The following PDE8B variants were observed in gnomAD, a reference collection of about 807,000 sequenced individuals.
PDE8B encodes phosphodiesterase 8B.
Under a neutral mutation model 101.3 loss-of-function variants are expected in PDE8B, and 26 were observed. The observed-to-expected ratio is 0.26, with a 90% CI of 0.19 to 0.36. PDE8B has a LOEUF of 0.36. Ranked by LOEUF, PDE8B falls within the 10% of genes least tolerant of loss-of-function variation. PDE8B has a pLI of 1.00. For synonymous variants in PDE8B, 424 were observed against 429.3 expected (o/e 0.99, Z 0.15); for missense variants, 810 against 1,163.1 (o/e 0.70, Z 4.42).
At chr5:77,090,629 T>C in the PDE8B span, among the ~76,000 whole-genome samples, 1 of 152,210 alleles carries the variant, frequency 6.6e-6, no homozygotes, top group Non-Finnish European at 1.5e-5. Flanking sequence ...TCCACATATA[T>C]ATGAGATCAT....
At chr5:77,116,224 A>ATTTTTTTTTT in the PDE8B span, among the ~76,000 whole-genome samples, 1 of 59,610 alleles carries the variant, frequency 1.7e-5, no homozygotes, top group African/African-American at 7.2e-5. Context: ...ATATATATAT[A>ATTTTTTTTTT]TTTTTTTTTT....
the PDE8B span, among the ~76,000 whole-genome samples, chr5:77,102,731 T>C: frequency 6.6e-6 from 1 of 152,154 alleles, no homozygotes; most frequent in South Asian, 2.1e-4. Flanking sequence ...CAATCTGGTC[T>C]GGAGAGTCAG....
chr5:77,094,776 T>C, the PDE8B span, among the ~76,000 whole-genome samples: 3 of 152,092 alleles, frequency 2.0e-5, no homozygotes, highest in South Asian at 2.1e-4. Context: ...GCAGACATCA[T>C]AGCAAGAGGA....
In PDE8B at chr5:77,268,945, A is replaced by G. The variant is rs1176410976; in HGVS notation, c.340-43049A>G. 2.6e-5 allele frequency among the ~76,000 whole-genome samples: 4 copies of G among 151,766 alleles called. No individual in the cohort carries two copies. In the East Asian group the frequency reaches 5.8e-4, roughly 22 times the overall value. ...CTATAATAAACATGGCAGTGCAGCTATCTTTTCAATATACTGATTTCCTTT... is the reference window on the plus strand; with the variant it reads ...CTATAATAAACATGGCAGTGCAGCTGTCTTTTCAATATACTGATTTCCTTT... On this transcript the variant is annotated intron_variant, in intron 1 of 21. Transcript: ENST00000264917.
chr5:77,314,232 T>G (rs1773302892), intron 2 of PDE8B, among the ~76,000 whole-genome samples: 2 of 152,174 alleles, frequency 1.3e-5, no homozygotes, highest in South Asian at 4.1e-4. Context: ...TCAGTTCTAT[T>G]CCATTGATTT....
intron 10 of PDE8B, among the ~76,000 whole-genome samples, chr5:77,355,450 G>A (rs1272463994): frequency 3.3e-5 from 5 of 152,188 alleles, no homozygotes; most frequent in Non-Finnish European, 7.3e-5. Context: ...GTCTGCAGGC[G>A]GTTCCGGTGG....
chr5:77,251,893 A>G (rs1232658568), intron 1 of PDE8B, among the ~76,000 whole-genome samples: 4 of 152,034 alleles, frequency 2.6e-5, no homozygotes, highest in African/African-American at 9.7e-5. Context: ...CATAGTTTCC[A>G]ATTTCTTTCT....
intron 2 of PDE8B, among the ~76,000 whole-genome samples, chr5:77,317,154 A>G (rs1005383681): frequency 1.3e-5 from 2 of 152,170 alleles, no homozygotes; most frequent in African/African-American, 4.8e-5. Flanking sequence ...TTTATTGTCT[A>G]TAACACACTA....
At chr5:77,373,130 A>G (rs1476540253) in intron 10 of PDE8B, among the ~76,000 whole-genome samples, 2 of 152,116 alleles carry the variant, frequency 1.3e-5, no homozygotes, top group African/African-American at 4.8e-5. Flanking sequence ...AGATTTATCA[A>G]CTTGGTTGAT....
chr5:77,090,990 A>G, the PDE8B span, among the ~76,000 whole-genome samples: 2 of 152,194 alleles, frequency 1.3e-5, no homozygotes, highest in African/African-American at 2.4e-5. Flanking sequence ...GAACCTCTCT[A>G]TACTATTTTC....
rs1794893889 is a variant in PDE8B at position 77,413,201 on chromosome 5, C to T, written c.1803C>T (p.Phe601=). ...CTGAAACCACTCTTCGGGCCTGGTT[C>T]CAAGTGATCGAAGCCAACTACCACT... The part of the protein sequence containing the change: ...NCSETTLRAW[F]QVIEANYHSS... The change falls in exon 17 of 22, where the codon TTC becomes TTT. Residue 601 remains phenylalanine (F), a synonymous_variant. Transcript: ENST00000264917. 1.9e-6 allele frequency: 3 copies of T among 1,613,766 alleles called. No homozygotes were observed. In the South Asian group the frequency reaches 3.3e-5, roughly 18 times the overall value.
chr5:77,298,419 G>A (rs553338735), intron 1 of PDE8B, among the ~76,000 whole-genome samples: 6 of 152,180 alleles, frequency 3.9e-5, no homozygotes, highest in Non-Finnish European at 7.3e-5. Flanking sequence ...TGTTACCCAC[G>A]TGACAGGCTG....
intron 5 of PDE8B, among the ~76,000 whole-genome samples, chr5:77,333,641 T>C (rs1336975564): frequency 6.6e-6 from 1 of 152,218 alleles, no homozygotes; most frequent in Non-Finnish European, 1.5e-5. Flanking sequence ...TGGTCTAGAA[T>C]TGCTGCCATC....
chr5:77,246,996 G>A (rs1757081577), intron 1 of PDE8B: 1 of 152,146 alleles, frequency 6.6e-6, no homozygotes, highest in Non-Finnish European at 1.5e-5. Flanking sequence ...TACCTCATAG[G>A]TTGTTATAAG....
In PDE8B at chr5:77,421,982, T is replaced by C. The variant is rs748949356; in HGVS notation, c.2412T>C (p.Phe804=). The change falls in exon 20 of 22, where the codon TTT becomes TTC. Residue 804 remains phenylalanine, a synonymous_variant. Transcript: ENST00000264917. The stretch of plus-strand genomic sequence containing the variant: ...CTGGGAGGATCTCTGAGGAGTATTT[T>C]GCACAGGTGCGCCATCTTTCCAGGG... ...EWAGRISEEY[F]AQTDEEKRQG... 7.4e-6 allele frequency: 12 copies of C among 1,613,876 alleles called. No homozygotes were observed. The highest frequency in any genetic ancestry group is 1.0e-5 in the Non-Finnish European group (12 of 1,179,976).
the PDE8B span, among the ~76,000 whole-genome samples, chr5:77,132,370 T>C: frequency 1.3e-5 from 2 of 152,324 alleles, no homozygotes; most frequent in South Asian, 4.1e-4. Flanking sequence ...TATTATGGCA[T>C]TATTCACTTT....
rs540880093 is a variant in PDE8B, at chr5:77,273,558, A to T, written c.340-38436A>T. 3.9e-5 allele frequency among the ~76,000 whole-genome samples: 6 copies of T among 152,316 alleles called. No individual in the cohort carries two copies. The South Asian group carries it at 1.2e-3, about 32-fold the overall frequency. Reference sequence around the variant, plus strand: ...TAAACACAACAATGTGAGATGCTGTAAGAGAGGCAGGGTAGTACACTTACT... The same window carrying T: ...TAAACACAACAATGTGAGATGCTGTTAGAGAGGCAGGGTAGTACACTTACT... On this transcript the variant is annotated intron_variant, in intron 1 of 21. Coordinates refer to ENST00000264917, the MANE Select transcript of PDE8B (RefSeq NM_003719.5).
the PDE8B span, among the ~76,000 whole-genome samples, chr5:77,097,255 G>C: frequency 6.6e-6 from 1 of 152,116 alleles, no homozygotes; most frequent in South Asian, 2.1e-4. Flanking sequence ...GGGGAGCCAC[G>C]GTGGGAGAGA....
chr5:77,177,243 C>T, the PDE8B span, among the ~76,000 whole-genome samples: 1 of 152,166 alleles, frequency 6.6e-6, no homozygotes, highest in African/African-American at 2.4e-5. Flanking sequence ...CACTTAAAAC[C>T]TAACAAATAC....
Sources: gnomAD v4.1 joint callset for allele counts (sites outside exome capture counted in the v4.1 genomes callset) on GRCh38, gnomAD v4.1.1 for gene constraint, MANE v1.5 for transcripts, NCBI Gene and HGNC (gene_info 2026-07-23, HGNC 2026-07-21) for gene names.